The following SAP30BP variants were observed in gnomAD, a reference collection of about 807,000 sequenced individuals.
The protein encoded by SAP30BP is SAP30 binding protein, also known as SAP30-binding protein.
Under a neutral mutation model 46.3 loss-of-function variants are expected in SAP30BP, and 31 were observed. The observed-to-expected ratio is 0.67, with a 90% CI of 0.50 to 0.90. The LOEUF (loss-of-function observed/expected upper bound fraction) is 0.90, where lower values mean the gene tolerates loss of function less well. SAP30BP is among the 40% of genes least tolerant of loss of function. The pLI, the probability that SAP30BP is intolerant of heterozygous loss-of-function variation, is 0.00. For missense variants in SAP30BP, 312 were observed against 391.0 expected, an observed-to-expected ratio of 0.80 and a Z score of 1.70; for synonymous variants, 169 against 144.2, an observed-to-expected ratio of 1.17 and a Z score of -1.23.
chr17:75,694,072 G>A (rs934966964), intron 4 of SAP30BP, among the ~76,000 whole-genome samples: 1 of 152,036 alleles, frequency 6.6e-6, no homozygotes, highest in African/African-American at 2.4e-5. Context: ...AAGCCCGACC[G>A]GGGGGCAGTT....
chr17:75,674,697 G>GTTTTTTGT (rs2059960357), intron 3 of SAP30BP, among the ~76,000 whole-genome samples: 2 of 61,552 alleles, frequency 3.2e-5, no homozygotes, highest in East Asian at 5.2e-4. Context: ...TTTGTTTTTT[G>GTTTTTTGT]TTTTTTTTTT....
intron 3 of SAP30BP, among the ~76,000 whole-genome samples, chr17:75,672,962 C>G (rs879331718): frequency 8.5e-6 from 1 of 117,396 alleles, no homozygotes; most frequent in Non-Finnish European, 1.8e-5. Flanking sequence ...GAATCTGTCT[C>G]AAAAAAAAAA....
chr17:75,670,993 A>G (rs908262532), intron 2 of SAP30BP, among the ~76,000 whole-genome samples: 3 of 152,238 alleles, frequency 2.0e-5, no homozygotes, highest in African/African-American at 4.8e-5. Flanking sequence ...CTAATAAGGT[A>G]GCTGGTCCAG....
At chr17:75,671,548 G>C (rs1278826496) in intron 2 of SAP30BP, among the ~76,000 whole-genome samples, 3 of 152,142 alleles carry the variant, frequency 2.0e-5, no homozygotes, top group South Asian at 4.1e-4. Context: ...TTGAACTCGG[G>C]CATCTTCATT....
chr17:75,705,769 C>A, intron 9 of SAP30BP: 1 of 1,069,418 alleles, frequency 9.4e-7, no homozygotes, highest in Non-Finnish European at 1.2e-6. Flanking sequence ...CGGGCATGTG[C>A]AGAGACCTGG....
rs768859888 is a variant in SAP30BP at position 75,704,811 on chromosome 17, A to G, written c.657A>G (p.Thr219=). The part of the protein sequence containing the change: ...DKLEKAKKER[T]KIEFVTGTKK... The stretch of plus-strand genomic sequence containing the variant: ...TGGAAAAGGCCAAAAAGGAGCGAAC[A>G]AAAGTAAGTGATGGCAGACCTCCTA... Residue 219 remains threonine, a synonymous_variant, in exon 9 of 11, where the codon ACA becomes ACG. Coordinates refer to ENST00000584667, the MANE Select transcript of SAP30BP (RefSeq NM_013260.8). The G allele has an allele frequency of 1.9e-6, 3 of 1,612,934 alleles. No individual in the cohort carries two copies. Among genetic ancestry groups the G allele is most frequent in the Admixed American group, 1.7e-5 (1 of 60,022 alleles).
intron 3 of SAP30BP, chr17:75,690,693 A>G (rs538698249): frequency 2.2e-6 from 1 of 456,666 alleles, no homozygotes; most frequent in Admixed American, 2.3e-5. Flanking sequence ...ACAGTGACAG[A>G]GGCACCCAGG....
In SAP30BP at chr17:75,706,227, G is replaced by T; in HGVS notation, c.746-113G>T. The T allele has an allele frequency of 1.3e-6, 2 of 1,549,794 alleles. No individual in the cohort carries two copies. The highest frequency in any genetic ancestry group is 1.7e-6 in the Non-Finnish European group (2 of 1,145,614). On this transcript the variant is annotated intron_variant, in intron 10 of 10. Transcript: ENST00000584667. The surrounding 1 kb of genome is among the most constrained non-coding windows in gnomAD (Gnocchi z 4.6). ...ACTTTGAGAAGCACCTTTGGAGTCT[G>T]GGGTGGGCCACTTCGGGGTCTGCTC...
chr17:75,674,695 T>G (rs1288519958), intron 3 of SAP30BP, among the ~76,000 whole-genome samples: 1 of 65,296 alleles, frequency 1.5e-5, no homozygotes, highest in African/African-American at 4.8e-5. Flanking sequence ...TGTTTGTTTT[T>G]TGTTTTTTTT....
chr17:75,706,186 T>G lies in SAP30BP; in HGVS notation c.745+94T>G. On this transcript the variant is annotated intron_variant, in intron 10 of 10. Transcript: ENST00000584667. The surrounding 1 kb of genome is among the most constrained non-coding windows in gnomAD (Gnocchi z 4.6). Reference sequence around the variant, plus strand: ...GACAGACAGCACGTGGATCTGGGCCTGGGCTCAGCCTTGCTACTTTGAGAA... The same window carrying G: ...GACAGACAGCACGTGGATCTGGGCCGGGGCTCAGCCTTGCTACTTTGAGAA... 1 of 1,560,600 alleles carries G rather than the reference T, an allele frequency of 6.4e-7. No individual in the cohort carries two copies. Among genetic ancestry groups the G allele is most frequent in the East Asian group, 2.3e-5 (1 of 43,288 alleles).
chr17:75,690,858 G>C, intron 3 of SAP30BP: 6 of 429,170 alleles, frequency 1.4e-5, no homozygotes, highest in South Asian at 1.0e-4. Context: ...ATGGGAATCT[G>C]AACCAACACA....
At position 75,671,770 on chromosome 17, in the gene SAP30BP, A is replaced by G. The variant is rs1219123232; in HGVS notation, c.217-46A>G. Reference sequence around the variant, plus strand: ...CCTAGTTATGCATGTGAGACTCCTCAGGCCCGCTCCTTTAAGCTTAATCCT... The same window carrying G: ...CCTAGTTATGCATGTGAGACTCCTCGGGCCCGCTCCTTTAAGCTTAATCCT... On this transcript the variant is annotated intron_variant, in intron 2 of 10. Transcript: ENST00000584667. 3.9e-6 allele frequency: 6 copies of G among 1,519,422 alleles called. No homozygotes were observed. The East Asian group carries it at 9.0e-5, about 23-fold the overall frequency. 94.1% of individuals were successfully genotyped at this position (1,519,422 alleles called of 1,614,324 possible).
chr17:75,704,898 C>T, intron 9 of SAP30BP, 84 bp downstream of exon 9: 1 of 1,084,334 alleles, frequency 9.2e-7, no homozygotes, highest in Admixed American at 1.7e-5. Flanking sequence ...GGTGTCCAGG[C>T]TGCCCCCAAC....
chr17:75,684,578 C>T (rs952423966), intron 3 of SAP30BP: 1 of 152,186 alleles, frequency 6.6e-6, no homozygotes, highest in East Asian at 1.9e-4. Context: ...CCCAAGCCTA[C>T]GTAGCATTCG....
At chr17:75,700,199 A>G (rs938722045) in intron 5 of SAP30BP, 1 of 182,500 alleles carries the variant, frequency 5.5e-6, no homozygotes, top group Non-Finnish European at 1.1e-5. Context: ...CTTCTCAGAA[A>G]GAGCTTTGCT....
At chr17:75,674,219 A>G (rs999102439) in intron 3 of SAP30BP, among the ~76,000 whole-genome samples, 1 of 152,096 alleles carries the variant, frequency 6.6e-6, no homozygotes, top group Non-Finnish European at 1.5e-5. Context: ...AGCTGGCCTC[A>G]GACTCTCTTC....
In SAP30BP at chr17:75,700,409, G is replaced by A. The variant is rs1390243310; in HGVS notation, c.396+538G>A. On this transcript the variant is annotated intron_variant, in intron 5 of 10. Coordinates refer to ENST00000584667, the MANE Select transcript of SAP30BP (RefSeq NM_013260.8). ...CTTTTGTGCAGTTACACTCCCTGGGGGGACAGCTAGGGTTCAGCCCGTGGC... is the reference window on the plus strand; with the variant it reads ...CTTTTGTGCAGTTACACTCCCTGGGAGGACAGCTAGGGTTCAGCCCGTGGC... 2.6e-5 allele frequency: 4 copies of A among 152,258 alleles called. 1 individual carries two copies. Among genetic ancestry groups the A allele is most frequent in the African/African-American group, 9.7e-5 (4 of 41,396 alleles). The allele number at this position is 152,258 out of a possible 1,614,324, so 9.4% of individuals were successfully genotyped here. A position where few individuals can be genotyped will look rare whatever the true frequency, so the allele number is the denominator to read the frequency against.
chr17:75,682,111 CA>C (rs1315245815), intron 3 of SAP30BP, among the ~76,000 whole-genome samples: 1 of 150,210 alleles, frequency 6.7e-6, no homozygotes, highest in African/African-American at 2.5e-5. Flanking sequence ...TTATTTTTGT[CA>C]AATTATTGTA....
intron 3 of SAP30BP, chr17:75,692,331 C>T (rs1599144661): frequency 1.0e-6 from 1 of 985,440 alleles, no homozygotes; most frequent in Admixed American, 6.1e-5. Context: ...TGCACCTGTC[C>T]TCGAAAAGGT....
Sources: gnomAD v4.1 joint callset for allele counts (sites outside exome capture counted in the v4.1 genomes callset) on GRCh38, gnomAD v4.1.1 for gene constraint, Gnocchi (gnomAD v3.1) non-coding constraint, MANE v1.5 for transcripts, NCBI Gene and HGNC (gene_info 2026-07-23, HGNC 2026-07-21) for gene names.